Variants in ZNF385D observed in about 807,000 individuals in gnomAD.
ZNF385D encodes the protein zinc finger protein 385D.
In ZNF385D, 15 loss-of-function variants were observed where a neutral mutation model predicts 35.8. The ratio of observed to expected loss-of-function variants is 0.42; its 90% confidence interval spans 0.28 to 0.64. ZNF385D has a LOEUF of 0.64. ZNF385D is among the 30% of genes least tolerant of loss of function. The pLI is 0.23. For missense variants in ZNF385D, 474 were observed against 494.6 expected, an observed-to-expected ratio of 0.96 and a Z score of 0.39; for synonymous variants, 212 against 186.8, an observed-to-expected ratio of 1.13 and a Z score of -1.10.
intron 3 of ZNF385D, among the ~76,000 whole-genome samples, chr3:22,128,180 C>T (rs1703553759): frequency 6.6e-6 from 1 of 151,986 alleles, no homozygotes; most frequent in African/African-American, 2.4e-5. Flanking sequence ...AGTTTTTTTC[C>T]ATCAGCACTT....
chr3:21,903,783 T>C (rs576411762), intron 3 of ZNF385D, among the ~76,000 whole-genome samples: 8 of 152,140 alleles, frequency 5.3e-5, no homozygotes, highest in Non-Finnish European at 8.8e-5. Flanking sequence ...AGATTAAATA[T>C]GGCATTCAAG....
At chr3:21,950,991 C>T (rs1702039013) in intron 3 of ZNF385D, among the ~76,000 whole-genome samples, 1 of 151,698 alleles carries the variant, frequency 6.6e-6, no homozygotes, top group South Asian at 2.1e-4. Context: ...ATGCCTCCAG[C>T]TTTGTTCTTT....
intron 5 of ZNF385D, 113 bp from the exon 6 acceptor site, chr3:21,425,783 G>T (rs1341116916): frequency 6.5e-6 from 6 of 928,974 alleles, no homozygotes; most frequent in Admixed American, 3.8e-5. Context: ...TTAAGAAACA[G>T]TACAATAACA....
chr3:21,853,593 G>C (rs1255867463), intron 3 of ZNF385D, among the ~76,000 whole-genome samples: 2 of 149,900 alleles, frequency 1.3e-5, no homozygotes, highest in African/African-American at 4.9e-5. Flanking sequence ...AAATGAAGTG[G>C]ACCCGAACAA....
chr3:21,665,712 T>A (rs551367222), intron 1 of ZNF385D, among the ~76,000 whole-genome samples: 1 of 152,166 alleles, frequency 6.6e-6, no homozygotes, highest in Non-Finnish European at 1.5e-5. Context: ...GGGAATATTA[T>A]GCCAACAAAG....
intron 3 of ZNF385D, among the ~76,000 whole-genome samples, chr3:22,013,671 TAAAAATTTACG>T (rs1672652075): frequency 6.6e-6 from 1 of 152,076 alleles, no homozygotes; most frequent in Admixed American, 6.6e-5. Flanking sequence ...CCAGCCAGAC[TAAAAATTTACG>T]TACAGCCTGT....
intron 3 of ZNF385D, among the ~76,000 whole-genome samples, chr3:21,863,128 A>T (rs1032861408): frequency 6.6e-6 from 1 of 152,208 alleles, no homozygotes; most frequent in Non-Finnish European, 1.5e-5. Flanking sequence ...GCATAAAATC[A>T]TGTTGGTAAA....
At chr3:21,971,974 G>A (rs2125342981) in intron 3 of ZNF385D, among the ~76,000 whole-genome samples, 2 of 152,030 alleles carry the variant, frequency 1.3e-5, no homozygotes, top group African/African-American at 2.4e-5. Context: ...TATTATCAGA[G>A]TTATCAAGAG....
chr3:22,018,051 G>A (rs190598782), intron 3 of ZNF385D, among the ~76,000 whole-genome samples: 61 of 151,646 alleles, frequency 4.0e-4, no homozygotes, highest in African/African-American at 1.4e-3. Context: ...TTTCCCAATA[G>A]CACTTTGAAA....
At chr3:21,828,391 T>G (rs1478233331) in intron 3 of ZNF385D, among the ~76,000 whole-genome samples, 1 of 152,190 alleles carries the variant, frequency 6.6e-6, no homozygotes, top group Non-Finnish European at 1.5e-5. Context: ...AATAAATATA[T>G]GTTTTACTAC....
At chr3:22,137,091 T>C (rs1405886089) in intron 3 of ZNF385D, among the ~76,000 whole-genome samples, 1 of 152,206 alleles carries the variant, frequency 6.6e-6, no homozygotes, top group African/African-American at 2.4e-5. Flanking sequence ...TAGTTAATAA[T>C]GTACTATTAC....
chr3:22,284,500 A>T (rs796700305), intron 2 of ZNF385D, among the ~76,000 whole-genome samples: 28 of 151,906 alleles, frequency 1.8e-4, no homozygotes, highest in African/African-American at 5.5e-4. Context: ...CCAACACAGG[A>T]TTTTTTTTAA....
chr3:21,829,047 C>T (rs1318764044), intron 3 of ZNF385D, among the ~76,000 whole-genome samples: 3 of 152,178 alleles, frequency 2.0e-5, no homozygotes, highest in African/African-American at 7.2e-5. Flanking sequence ...TTAATCACAT[C>T]TTCAAAGCCC....
chr3:21,872,750 TAAC>T (rs1464027086), intron 3 of ZNF385D, among the ~76,000 whole-genome samples: 2 of 152,058 alleles, frequency 1.3e-5, no homozygotes, highest in Non-Finnish European at 2.9e-5. Flanking sequence ...TCAAAAAACA[TAAC>T]AATCTGTCTT....
In ZNF385D at chr3:21,737,210, G is replaced by C. The variant is rs375062228; in HGVS notation, c.22+13685C>G. Reference sequence around the variant, plus strand: ...CTGCCTTGGCCTCCTAAAGTGCTGGGACAGCAATCCTACTTCTATAGATAG... The same window carrying C: ...CTGCCTTGGCCTCCTAAAGTGCTGGCACAGCAATCCTACTTCTATAGATAG... On this transcript the variant is annotated intron_variant, in intron 1 of 7. Coordinates refer to ENST00000281523, the MANE Select transcript of ZNF385D (RefSeq NM_024697.3). Among the ~76,000 whole-genome samples, 30 of 152,272 alleles carry C rather than the reference G, an allele frequency of 2.0e-4. No individual in the cohort carries two copies. In the East Asian group the frequency reaches 5.8e-3, roughly 29 times the overall value.
intron 3 of ZNF385D, among the ~76,000 whole-genome samples, chr3:22,144,868 C>T (rs1704747270): frequency 6.6e-6 from 1 of 152,110 alleles, no homozygotes; most frequent in Non-Finnish European, 1.5e-5. Flanking sequence ...AGCTTTATCA[C>T]AACTTTGGTT....
chr3:22,273,485 G>A (rs1315340197), intron 2 of ZNF385D, among the ~76,000 whole-genome samples: 2 of 151,962 alleles, frequency 1.3e-5, no homozygotes, highest in Non-Finnish European at 2.9e-5. Context: ...AGAGGCCAGA[G>A]AAGATGTTAA....
At chr3:22,079,912 GTA>G (rs1054711173) in intron 3 of ZNF385D, among the ~76,000 whole-genome samples, 8 of 151,836 alleles carry the variant, frequency 5.3e-5, no homozygotes, top group African/African-American at 9.7e-5. Flanking sequence ...GTGTATGTAT[GTA>G]TATGTGTGTA....
At chr3:21,636,364 T>TATATATA (rs1559478643) in intron 2 of ZNF385D, among the ~76,000 whole-genome samples, 26 of 113,896 alleles carry the variant, frequency 2.3e-4, no homozygotes, top group Non-Finnish European at 4.0e-4. Context: ...TTATATATGA[T>TATATATA]TATATATATA....
Sources: gnomAD v4.1 joint callset for allele counts (sites outside exome capture counted in the v4.1 genomes callset) on GRCh38, gnomAD v4.1.1 for gene constraint, MANE v1.5 for transcripts, NCBI Gene and HGNC (gene_info 2026-07-23, HGNC 2026-07-21) for gene names.